The following POLR2G variants were observed in gnomAD, a reference collection of about 807,000 sequenced individuals.
The protein encoded by POLR2G is DNA-directed RNA polymerase II subunit RPB7.
POLR2G carries 19 observed loss-of-function variants against 25.7 expected under a neutral mutation model. That is an observed-to-expected ratio of 0.74 (90% CI 0.52 to 1.08). The LOEUF is 1.08. Ranked by LOEUF, POLR2G falls within the 50% of genes least tolerant of loss-of-function variation. The pLI, the probability that POLR2G is intolerant of heterozygous loss-of-function variation, is 0.00. For missense variants in POLR2G, 123 were observed against 218.5 expected (o/e 0.56, Z 2.76); for synonymous variants, 79 against 76.0 (o/e 1.04, Z -0.21).
Position 62,766,526 on chromosome 11 carries a change from C to G in POLR2G, c.*19C>G. 3 of 1,610,298 alleles carry G rather than the reference C, an allele frequency of 1.9e-6. No individual in the cohort carries two copies. The highest frequency in any genetic ancestry group is 2.5e-6 in the Non-Finnish European group (3 of 1,176,690). Reference sequence around the variant, plus strand: ...AAGCTGAGCCTGGTGGCCTCCTACCCTTGGTCCTACTCTAGGAAGTGTGAT... The same window carrying G: ...AAGCTGAGCCTGGTGGCCTCCTACCGTTGGTCCTACTCTAGGAAGTGTGAT... On this transcript the variant is annotated 3_prime_UTR_variant, in exon 8 of 8. Transcript: ENST00000301788.
chr11:62,766,470 GAT>G (rs1490657713), intron 7 of POLR2G, 22 bp from the exon 8 acceptor site: 3 of 1,613,830 alleles, frequency 1.9e-6, no homozygotes, highest in Admixed American at 3.3e-5. Context: ...GGTTCTAACT[GAT>G]ATGCTTTTTC....
chr11:62,763,545 C>T (rs897083963), intron 3 of POLR2G, among the ~76,000 whole-genome samples: 21 of 152,086 alleles, frequency 1.4e-4, no homozygotes, highest in Admixed American at 1.2e-3. Context: ...CCACCCGCCT[C>T]GGCCTCCCAA....
chr11:62,761,601 AG>A lies in POLR2G; in HGVS notation c.-45del. ...GTCTAAGTGTTTCCGGTGGATTCCC[AG>A]GGACTGTCGGAGGTGTGGACTCTGC... On this transcript the variant is annotated 5_prime_UTR_variant, in exon 1 of 8. Coordinates refer to ENST00000301788, the MANE Select transcript of POLR2G (RefSeq NM_002696.3). 4 of 1,575,342 alleles carry A rather than the reference AG, an allele frequency of 2.5e-6. No individual in the cohort carries two copies. The highest frequency in any genetic ancestry group is 3.4e-6 in the Non-Finnish European group (4 of 1,159,780).
chr11:62,763,930 T>C (rs950950834), intron 3 of POLR2G, among the ~76,000 whole-genome samples: 4 of 151,392 alleles, frequency 2.6e-5, no homozygotes, highest in Non-Finnish European at 5.9e-5. Flanking sequence ...TTAGTAGAGA[T>C]GGGGTTTCTC....
intron 3 of POLR2G, among the ~76,000 whole-genome samples, chr11:62,763,608 A>T (rs979562550): frequency 2.0e-5 from 3 of 151,772 alleles, no homozygotes; most frequent in African/African-American, 7.3e-5. Context: ...CTTTCAAATT[A>T]TATGGTAATC....
chr11:62,762,143 AC>A (rs2084092374), intron 2 of POLR2G: 2 of 530,154 alleles, frequency 3.8e-6, no homozygotes, highest in East Asian at 3.2e-5. Flanking sequence ...CATTTTAAAA[AC>A]CCTTGGTGTG....
chr11:62,763,097 C>A, intron 3 of POLR2G, 71 bp downstream of exon 3: 176 of 734,218 alleles, frequency 2.4e-4, no homozygotes, highest in Non-Finnish European at 3.3e-4. Flanking sequence ...GGCTCCACTT[C>A]ATAACTCTGT....
At chr11:62,762,562 G>A (rs1187587724) in intron 2 of POLR2G, 1 of 489,432 alleles carries the variant, frequency 2.0e-6, no homozygotes. Context: ...GTCTGGGGCA[G>A]ACCTGAGAAT....
intron 3 of POLR2G, 29 bp downstream of exon 3, chr11:62,763,055 G>A (rs765962213): frequency 6.6e-7 from 1 of 1,519,024 alleles, no homozygotes; most frequent in Non-Finnish European, 9.0e-7. Flanking sequence ...GAGGCAGTGG[G>A]GTAGTCTCTC....
At chr11:62,766,147 A>G in intron 6 of POLR2G, 96 bp from the exon 7 acceptor site, 2 of 1,033,488 alleles carry the variant, frequency 1.9e-6, no homozygotes, top group Non-Finnish European at 3.1e-6. Context: ...TCTGCCAGGA[A>G]GAAGGGATGG....
intron 5 of POLR2G, 63 bp downstream of exon 5, chr11:62,765,468 T>G (rs2084110914): frequency 1.5e-6 from 2 of 1,373,542 alleles, no homozygotes. Flanking sequence ...GGGAGAATAT[T>G]GGCCTGGGGA....
chr11:62,765,638 C>T lies in POLR2G; in HGVS notation c.400-15C>T. On this transcript the variant is annotated splice_polypyrimidine_tract_variant and intron_variant, in intron 5 of 7. Transcript: ENST00000301788. Reference sequence around the variant, plus strand: ...AACTGAGGAGCATCTGTACACTGTTCCCTCCTCTCCTCAGGATATTGTGAT... The same window carrying T: ...AACTGAGGAGCATCTGTACACTGTTTCCTCCTCTCCTCAGGATATTGTGAT... 1 of 1,577,602 alleles carries T rather than the reference C, an allele frequency of 6.3e-7. No homozygotes were observed. The highest frequency in any genetic ancestry group is 2.2e-5 in the East Asian group (1 of 44,734).
chr11:62,762,804 T>C (rs1590927857), intron 2 of POLR2G, 63 bp from the exon 3 acceptor site: 3 of 1,388,366 alleles, frequency 2.2e-6, no homozygotes, highest in South Asian at 1.3e-5. Context: ...GCGACTTTTA[T>C]TGCAGATGTC....
At chr11:62,763,110 C>G in intron 3 of POLR2G, 84 bp downstream of exon 3, 1 of 703,464 alleles carries the variant, frequency 1.4e-6, no homozygotes, top group South Asian at 3.3e-5. Flanking sequence ...AACTCTGTGC[C>G]TTTGGCTAAG....
In POLR2G at chr11:62,761,672, T is replaced by C. The variant is rs764247819; in HGVS notation, c.12+12T>C. 8.1e-6 allele frequency: 13 copies of C among 1,612,056 alleles called. No homozygotes were observed. The highest frequency in any genetic ancestry group is 1.3e-5 in the African/African-American group (1 of 74,892). Reference sequence around the variant, plus strand: ...AGATGTTCTACCATGTGAGCAGGGCTCAGGGTGGCGGCAAGGGCTGGGTGG... The same window carrying C: ...AGATGTTCTACCATGTGAGCAGGGCCCAGGGTGGCGGCAAGGGCTGGGTGG... On this transcript the variant is annotated intron_variant, in intron 1 of 7. Coordinates refer to ENST00000301788, the MANE Select transcript of POLR2G (RefSeq NM_002696.3).
chr11:62,765,227 C>G lies in POLR2G; in HGVS notation c.328C>G (p.Arg110Gly), dbSNP rs1225817667. 6.2e-7 allele frequency: 1 copy of G among 1,613,698 alleles called. No homozygotes were observed. The highest frequency in any genetic ancestry group is 1.3e-5 in the African/African-American group (1 of 74,894). ...TGGGCCCATGTCTTGCTTCATCTCT[C>G]GACATGTAAGTCTGGGCACACTGGG... The part of the protein sequence containing the change: ...EIGPMSCFIS[R>G]HSIPSEMEFD... The change falls in exon 4 of 8, where the codon CGA becomes GGA. Residue 110 changes from arginine to glycine, a missense_variant. Transcript: ENST00000301788.
Position 62,761,906 on chromosome 11 carries a change from T to G in POLR2G, c.122+2T>G. 6.3e-7 allele frequency: 1 copy of G among 1,596,468 alleles called. No individual in the cohort carries two copies. The highest frequency in any genetic ancestry group is 8.6e-7 in the Non-Finnish European group (1 of 1,168,186). On this transcript the variant is annotated splice_donor_variant, in intron 2 of 7. Transcript: ENST00000301788. LOFTEE classifies it high-confidence loss of function. ...GGTGGAGGGGACCTGCACAGGGAAG[T>G]GAGTGTCGAGCTCACCGCACCGCCA...
At chr11:62,763,542 C>T (rs548741167) in intron 3 of POLR2G, among the ~76,000 whole-genome samples, 13 of 152,216 alleles carry the variant, frequency 8.5e-5, no homozygotes, top group African/African-American at 2.4e-4. Context: ...GATCCACCCG[C>T]CTCGGCCTCC....
At chr11:62,765,079 A>C (rs977704792) in intron 3 of POLR2G, 103 bp from the exon 4 acceptor site, 35 of 943,948 alleles carry the variant, frequency 3.7e-5, no homozygotes, top group Non-Finnish European at 4.4e-5. Flanking sequence ...GGCTGGTCTG[A>C]AACTCCTGAC....
Sources: gnomAD v4.1 joint callset for allele counts (sites outside exome capture counted in the v4.1 genomes callset) on GRCh38, gnomAD v4.1.1 for gene constraint, MANE v1.5 for transcripts, NCBI Gene and HGNC (gene_info 2026-07-23, HGNC 2026-07-21) for gene names.